Variants in ATP6V1C1 observed in about 807,000 individuals in gnomAD.
ATP6V1C1 encodes the protein V-type proton ATPase subunit C 1.
Under a neutral mutation model 53.9 loss-of-function variants are expected in ATP6V1C1, and 45 were observed. That is an observed-to-expected ratio of 0.83 (90% CI 0.66 to 1.07). The LOEUF is 1.07. Among genes scored for constraint, ATP6V1C1 ranks in the 50% least tolerant of loss-of-function variants. The pLI, the probability that ATP6V1C1 is intolerant of heterozygous loss-of-function variation, is 0.00. For missense variants in ATP6V1C1, 315 were observed against 440.3 expected, an observed-to-expected ratio of 0.72 and a Z score of 2.55; for synonymous variants, 153 against 155.2, an observed-to-expected ratio of 0.99 and a Z score of 0.11.
At chr8:103,065,398 A>T (rs1046598052) in intron 11 of ATP6V1C1, among the ~76,000 whole-genome samples, 9 of 151,980 alleles carry the variant, frequency 5.9e-5, no homozygotes, top group Non-Finnish European at 1.2e-4. Context: ...CTAAAAATAT[A>T]AAAAAATTAG....
chr8:103,022,195 A>C (rs1231146308), intron 1 of ATP6V1C1, among the ~76,000 whole-genome samples: 18 of 152,174 alleles, frequency 1.2e-4, no homozygotes, highest in Non-Finnish European at 1.2e-4. Flanking sequence ...AGAAAACTTG[A>C]GTCTTGGCAA....
At chr8:103,059,898 C>A (rs77181414) in intron 8 of ATP6V1C1, among the ~76,000 whole-genome samples, 16 of 9,226 alleles carry the variant, frequency 1.7e-3, no homozygotes, top group South Asian at 5.6e-3. Flanking sequence ...ACACACACAC[C>A]CACACACCCA....
Position 103,049,097 on chromosome 8 carries a change from T to C in ATP6V1C1, c.286+142T>C, listed in dbSNP as rs567138831. ...GCCATTAAAATACAATTATTATTAC[T>C]GAATTTGGTGATACTTCCAGGTACA... On this transcript the variant is annotated intron_variant, in intron 4 of 12. Coordinates refer to ENST00000518738, the MANE Select transcript of ATP6V1C1 (RefSeq NM_001695.5). The C allele has an allele frequency of 9.9e-6, 7 of 707,830 alleles. No homozygotes were observed. The South Asian group carries it at 1.2e-4, about 12-fold the overall frequency. The allele number at this position is 707,830 out of a possible 1,614,324, so 43.8% of individuals were successfully genotyped here.
At chr8:103,049,115 CA>C (rs1345207504) in intron 4 of ATP6V1C1, among the ~76,000 whole-genome samples, 160 bp downstream of exon 4, 1 of 152,172 alleles carries the variant, frequency 6.6e-6, no homozygotes, top group Non-Finnish European at 1.5e-5. Flanking sequence ...GTGATACTTC[CA>C]GGTACATCCT....
intron 1 of ATP6V1C1, among the ~76,000 whole-genome samples, chr8:103,037,577 A>AT (rs1816920646): frequency 6.6e-6 from 1 of 152,186 alleles, no homozygotes; most frequent in Non-Finnish European, 1.5e-5. Context: ...TTGAGGATTA[A>AT]TTTGGTATCT....
intron 3 of ATP6V1C1, among the ~76,000 whole-genome samples, chr8:103,044,834 ATTC>A (rs1227458647): frequency 2.6e-5 from 4 of 152,064 alleles, no homozygotes; most frequent in Admixed American, 2.0e-4. Flanking sequence ...TCATCCTAAT[ATTC>A]TTGTCTTTAT....
intron 1 of ATP6V1C1, among the ~76,000 whole-genome samples, chr8:103,024,124 A>G (rs1392063868): frequency 2.6e-5 from 4 of 152,208 alleles, no homozygotes; most frequent in South Asian, 4.1e-4. Context: ...TGAGTCTCAA[A>G]TTATGCTGAA....
chr8:103,042,541 A>T, intron 3 of ATP6V1C1, 134 bp downstream of exon 3: 1 of 747,416 alleles, frequency 1.3e-6, no homozygotes, highest in Non-Finnish European at 2.2e-6. Flanking sequence ...TTCCCTTCGT[A>T]TATCAATTTT....
At position 103,042,412 on chromosome 8, in the gene ATP6V1C1, T is replaced by A. The variant is rs774683419; in HGVS notation, c.200+5T>A. ...ACTGGATGCATTTGTAGAAGGGTAA[T>A]GTACTTATATGCATGGAGTAGAGCA... On this transcript the variant is annotated splice_donor_5th_base_variant and intron_variant, in intron 3 of 12. Transcript: ENST00000518738. 1.1e-5 allele frequency: 17 copies of A among 1,613,630 alleles called. No homozygotes were observed. In the South Asian group the frequency reaches 1.8e-4, roughly 17 times the overall value.
At position 103,041,001 on chromosome 8, in the gene ATP6V1C1, T is replaced by G. The variant is rs200127718; in HGVS notation, c.132+33T>G. 5.0e-6 allele frequency: 8 copies of G among 1,597,358 alleles called. No individual in the cohort carries two copies. In the African/African-American group the frequency reaches 1.1e-4, roughly 21 times the overall value. ...TGCACTGTGCAAAATTATATATGAG[T>G]TCATCATCCAGGGGAGGGCCAGTTC... is the stretch of plus-strand genomic sequence containing the variant. On this transcript the variant is annotated intron_variant, in intron 2 of 12. Coordinates refer to ENST00000518738, the MANE Select transcript of ATP6V1C1 (RefSeq NM_001695.5).
At chr8:103,033,347 TTGA>T (rs1053563648) in intron 1 of ATP6V1C1, among the ~76,000 whole-genome samples, 2 of 152,238 alleles carry the variant, frequency 1.3e-5, no homozygotes, top group African/African-American at 4.8e-5. Flanking sequence ...TTTAATAAAG[TTGA>T]TTTTATAGAA....
In ATP6V1C1 at chr8:103,069,990, T is replaced by C. The variant is rs1480460575; in HGVS notation, c.*1243T>C. The C allele has an allele frequency of 6.6e-6, 1 of 152,236 alleles. No individual in the cohort carries two copies. Among genetic ancestry groups the C allele is most frequent in the East Asian group, 1.9e-4 (1 of 5,204 alleles). The allele number at this position is 152,236 out of a possible 1,614,324, so 9.4% of individuals were successfully genotyped here. On this transcript the variant is annotated 3_prime_UTR_variant, in exon 13 of 13. Coordinates refer to ENST00000518738, the MANE Select transcript of ATP6V1C1 (RefSeq NM_001695.5). ...CCCAAGGGAAGTTTATGTATTTTTC[T>C]AGGCCCTTTTCTATGTCTTTACATC...
rs1816947426 is a variant in ATP6V1C1, at chr8:103,039,028, G to A, written c.-39-1770G>A. Among the ~76,000 whole-genome samples, 2 of 152,190 alleles carry A rather than the reference G, an allele frequency of 1.3e-5. 1 individual carries two copies. The highest frequency in any genetic ancestry group is 4.1e-4 in the South Asian group (2 of 4,830). On this transcript the variant is annotated intron_variant, in intron 1 of 12. Transcript: ENST00000518738. ...ATAAAGGTTTAACTTCATCAGTAAT[G>A]TTAGAAAAGTCCATATACAGTACAG...
intron 1 of ATP6V1C1, among the ~76,000 whole-genome samples, chr8:103,022,131 G>A (rs185457332): frequency 2.4e-4 from 36 of 152,260 alleles, no homozygotes; most frequent in African/African-American, 8.2e-4. Context: ...CTTTGAAAGT[G>A]TGGAGCAACG....
intron 7 of ATP6V1C1, among the ~76,000 whole-genome samples, chr8:103,055,017 G>T (rs549521346): frequency 3.7e-4 from 57 of 152,156 alleles, no homozygotes; most frequent in African/African-American, 1.3e-3. Context: ...CAGGGAGAAG[G>T]CCTTAAATCT....
chr8:103,051,066 T>C lies in ATP6V1C1; in HGVS notation c.303T>C (p.Tyr101=). Reference sequence around the variant, plus strand: ...TTATTTCAGTGGACTTGGTTACTTATATAACAAGGTTCCAGTGGGACATGG... The same window carrying C: ...TTATTTCAGTGGACTTGGTTACTTACATAACAAGGTTCCAGTGGGACATGG... ...LLANGVDLVT[Y]ITRFQWDMAK... is the part of the protein sequence containing the mutation. The change falls in exon 5 of 13, where the codon TAT becomes TAC. Residue 101 remains tyrosine, a synonymous_variant. Coordinates refer to ENST00000518738, the MANE Select transcript of ATP6V1C1 (RefSeq NM_001695.5). The C allele has an allele frequency of 1.2e-6, 2 of 1,605,282 alleles. No individual in the cohort carries two copies. The highest frequency in any genetic ancestry group is 8.5e-7 in the Non-Finnish European group (1 of 1,173,532).
intron 4 of ATP6V1C1, among the ~76,000 whole-genome samples, chr8:103,050,281 C>A (rs932136654): frequency 4.6e-5 from 7 of 152,122 alleles, no homozygotes; most frequent in Non-Finnish European, 8.8e-5. Context: ...TGAACTAGGG[C>A]AGTCAGTCTA....
chr8:103,033,020 AC>A (rs2131384082), intron 1 of ATP6V1C1, among the ~76,000 whole-genome samples: 2 of 152,370 alleles, frequency 1.3e-5, no homozygotes, highest in South Asian at 4.1e-4. Flanking sequence ...AGATTGAACT[AC>A]TAATACATAC....
intron 3 of ATP6V1C1, among the ~76,000 whole-genome samples, chr8:103,047,192 T>C (rs1353710274): frequency 6.6e-6 from 1 of 152,088 alleles, no homozygotes; most frequent in Non-Finnish European, 1.5e-5. Flanking sequence ...CAGCATAGGA[T>C]TGTCATTTAA....
Sources: gnomAD v4.1 joint callset for allele counts (sites outside exome capture counted in the v4.1 genomes callset) on GRCh38, gnomAD v4.1.1 for gene constraint, MANE v1.5 for transcripts, NCBI Gene and HGNC (gene_info 2026-07-23, HGNC 2026-07-21) for gene names.